The following JMJD1C variants were observed in gnomAD, a reference collection of about 807,000 sequenced individuals.
The protein encoded by JMJD1C is jumonji domain containing 1C.
JMJD1C carries 31 observed loss-of-function variants against 245.3 expected under a neutral mutation model. The ratio of observed to expected loss-of-function variants is 0.13; its 90% confidence interval spans 0.09 to 0.17. JMJD1C has a LOEUF of 0.17. Among genes scored for constraint, JMJD1C ranks in the 10% least tolerant of loss-of-function variants. The pLI is 1.00. For synonymous variants in JMJD1C, 1,057 were observed against 1,017.4 expected (o/e 1.04, Z -0.74); for missense variants, 2,691 against 3,000.2 (o/e 0.90, Z 2.41).
intron 1 of JMJD1C, among the ~76,000 whole-genome samples, chr10:63,404,702 T>C (rs1949069526): frequency 6.6e-6 from 1 of 152,172 alleles, no homozygotes; most frequent in South Asian, 2.1e-4. Flanking sequence ...GGTTACTGAG[T>C]AGCAGAGATG....
intron 2 of JMJD1C, among the ~76,000 whole-genome samples, chr10:63,287,798 G>A (rs1023317290): frequency 3.3e-5 from 5 of 151,962 alleles, no homozygotes; most frequent in Non-Finnish European, 1.5e-5. Flanking sequence ...GCGCAAGCTG[G>A]AGTGCAATGG....
intron 1 of JMJD1C, among the ~76,000 whole-genome samples, chr10:63,402,403 G>C (rs760649065): frequency 6.6e-6 from 1 of 152,138 alleles, no homozygotes; most frequent in Non-Finnish European, 1.5e-5. Flanking sequence ...GTGAATAAAT[G>C]AAATTGTGAC....
At chr10:63,451,485 T>C (rs1003312194) in intron 1 of JMJD1C, among the ~76,000 whole-genome samples, 23 of 151,896 alleles carry the variant, frequency 1.5e-4, no homozygotes, top group Non-Finnish European at 3.1e-4. Context: ...ATCAAAAATA[T>C]TCAGAAAAAA....
rs1273224547 is a variant in JMJD1C at position 63,214,909 on chromosome 10, C to T, written c.1258G>A (p.Glu420Lys). ...TTTAGGGTCTCTTCTCCTGCCTTCT[C>T]ATTATTATGGGGTTTTCCTTCTTCT... is the stretch of plus-strand genomic sequence containing the variant. ...NGEEGKPHNN[E>K]KAGEETLKNS... The change falls in exon 8 of 26, where the codon GAG (glutamate) becomes AAG (lysine). Residue 420 changes from glutamate to lysine, a missense_variant. By Grantham distance (56) the Glu-to-Lys change is moderately conservative. Coordinates refer to ENST00000399262, the MANE Select transcript of JMJD1C (RefSeq NM_032776.3). 1.2e-6 allele frequency: 2 copies of T among 1,612,368 alleles called. No homozygotes were observed. The highest frequency in any genetic ancestry group is 1.7e-6 in the Non-Finnish European group (2 of 1,178,796).
intron 2 of JMJD1C, among the ~76,000 whole-genome samples, chr10:63,277,150 G>A (rs1036595441): frequency 3.3e-5 from 5 of 151,754 alleles, no homozygotes; most frequent in African/African-American, 7.3e-5. Flanking sequence ...CAAAGTGCTG[G>A]GATTACAGGC....
At chr10:63,375,203 T>TTTC (rs1554908295) in intron 2 of JMJD1C, among the ~76,000 whole-genome samples, 1 of 149,190 alleles carries the variant, frequency 6.7e-6, no homozygotes. Flanking sequence ...TTTTTTTTTT[T>TTTC]TGAGGCAAGG....
chr10:63,197,302 A>C (rs988754973), intron 13 of JMJD1C, 109 bp downstream of exon 13: 6 of 906,136 alleles, frequency 6.6e-6, no homozygotes, highest in Non-Finnish European at 9.9e-6. Flanking sequence ...AAAATACTTA[A>C]TACATTAATA....
At chr10:63,276,216 C>G (rs972812640) in intron 2 of JMJD1C, among the ~76,000 whole-genome samples, 3 of 152,038 alleles carry the variant, frequency 2.0e-5, no homozygotes, top group African/African-American at 7.3e-5. Flanking sequence ...CCTGTAATCC[C>G]AGCACTTTGG....
At chr10:63,287,026 C>T (rs1270642907) in intron 2 of JMJD1C, among the ~76,000 whole-genome samples, 1 of 152,104 alleles carries the variant, frequency 6.6e-6, no homozygotes, top group African/African-American at 2.4e-5. Flanking sequence ...GCCCTGGCAA[C>T]ATAGGGAGAT....
At chr10:63,516,557 C>T (rs1340537706) in intron 1 of JMJD1C, among the ~76,000 whole-genome samples, 1 of 152,152 alleles carries the variant, frequency 6.6e-6, no homozygotes, top group African/African-American at 2.4e-5. Context: ...CCTCAATTAT[C>T]TTAAACTAGA....
chr10:63,287,266 C>T (rs10995493), intron 2 of JMJD1C, among the ~76,000 whole-genome samples: 101,654 of 152,136 alleles, frequency 0.67, 36,440 homozygotes, highest in Non-Finnish European at 0.81. Flanking sequence ...GTATTAAGCA[C>T]TGTCTCAGAG....
chr10:63,349,882 C>T (rs1258502607), intron 2 of JMJD1C, among the ~76,000 whole-genome samples: 1 of 152,098 alleles, frequency 6.6e-6, no homozygotes, highest in African/African-American at 2.4e-5. Flanking sequence ...CCTGACATTA[C>T]AGATTGATAA....
chr10:63,498,220 G>T (rs1441098402), intron 1 of JMJD1C, among the ~76,000 whole-genome samples: 1 of 152,134 alleles, frequency 6.6e-6, no homozygotes, highest in Non-Finnish European at 1.5e-5. Context: ...TAAGTTTGAG[G>T]ATGGGAGCAA....
intron 8 of JMJD1C, among the ~76,000 whole-genome samples, chr10:63,211,890 T>C (rs1261524383): frequency 6.7e-6 from 1 of 149,024 alleles, no homozygotes. Flanking sequence ...CACTGTAGCA[T>C]TATTCACCAC....
chr10:63,258,826 CT>C (rs59782474), intron 3 of JMJD1C, among the ~76,000 whole-genome samples: 11,914 of 152,214 alleles, frequency 0.078, 707 homozygotes, highest in East Asian at 0.29. Flanking sequence ...ACTTACAAGA[CT>C]TTTATCAACT....
chr10:63,168,492 A>G lies in JMJD1C; in HGVS notation c.7476T>C (p.His2492=). 5 of 1,611,352 alleles carry G rather than the reference A, an allele frequency of 3.1e-6. No homozygotes were observed. The highest frequency in any genetic ancestry group is 4.2e-6 in the Non-Finnish European group (5 of 1,178,770). Residue 2492 remains histidine (H), a synonymous_variant, in exon 25 of 26, where the codon CAT becomes CAC. Transcript: ENST00000399262. ...VSPEHLVESF[H]LTQELRLLKE... ...TCAAAAGTCTCAGTTCCTGTGTTAAATGAAATGACTCTACAAGATGTTCTG... is the reference window on the plus strand; with the variant it reads ...TCAAAAGTCTCAGTTCCTGTGTTAAGTGAAATGACTCTACAAGATGTTCTG...
At chr10:63,288,678 G>T (rs1249822830) in intron 2 of JMJD1C, among the ~76,000 whole-genome samples, 3 of 152,058 alleles carry the variant, frequency 2.0e-5, no homozygotes, top group Admixed American at 1.3e-4. Context: ...CAAGGTGTTT[G>T]AGACCAGCCT....
At chr10:63,413,584 A>G (rs1437809643) in intron 1 of JMJD1C, among the ~76,000 whole-genome samples, 2 of 152,202 alleles carry the variant, frequency 1.3e-5, no homozygotes. Context: ...CTTCATAGCT[A>G]TCTTATGCTG....
At chr10:63,338,640 ATTTTTTT>A (rs34238197) in intron 2 of JMJD1C, among the ~76,000 whole-genome samples, 4 of 95,126 alleles carry the variant, frequency 4.2e-5, no homozygotes, top group Admixed American at 1.3e-4. Context: ...TGCTCCTTAG[ATTTTTTT>A]TTTTTTTTTT....
Sources: allele counts gnomAD v4.1 joint callset (sites outside exome capture counted in the v4.1 genomes callset), GRCh38; gene constraint gnomAD v4.1.1; transcripts MANE v1.5; gene names NCBI Gene and HGNC (gene_info 2026-07-23, HGNC 2026-07-21).